NKAIN2: variants seen among roughly 807,000 people sequenced by gnomAD.
NKAIN2 encodes the protein sodium/potassium-transporting ATPase subunit beta-1-interacting protein 2.
A neutral mutation model predicts 32.6 loss-of-function variants in NKAIN2; 14 were observed. That is an observed-to-expected ratio of 0.43 (90% CI 0.28 to 0.67). NKAIN2 has a LOEUF of 0.67. Among genes scored for constraint, NKAIN2 ranks in the 30% least tolerant of loss-of-function variants. The pLI, the probability that NKAIN2 is intolerant of heterozygous loss-of-function variation, is 0.17. For synonymous variants in NKAIN2, 80 were observed against 87.2 expected (o/e 0.92, Z 0.46); for missense variants, 198 against 258.3 (o/e 0.77, Z 1.60).
At position 123,804,036 on chromosome 6, in the gene NKAIN2, G is replaced by A. The variant is rs891977236; in HGVS notation, c.-165G>A. 4.2e-6 allele frequency: 3 copies of A among 720,288 alleles called. No individual in the cohort carries two copies. Among genetic ancestry groups the A allele is most frequent in the Non-Finnish European group, 7.5e-6 (3 of 400,068 alleles). The allele number at this position is 720,288 out of a possible 1,614,324, so 44.6% of individuals were successfully genotyped here. ...GCCGCCGCCGCCGCCGCGCCAGCAG[G>A]TCCTAATGCCTGTCACTTCCCAGGA... On this transcript the variant is annotated 5_prime_UTR_variant, in exon 1 of 7. Transcript: ENST00000368417.
At chr6:124,270,441 C>A (rs1259056526) in intron 1 of NKAIN2, among the ~76,000 whole-genome samples, 2 of 151,876 alleles carry the variant, frequency 1.3e-5, no homozygotes, top group Non-Finnish European at 2.9e-5. Context: ...GTATTTTTAC[C>A]TAGTTGACAA....
chr6:124,808,435 G>T (rs7774804), intron 5 of NKAIN2, among the ~76,000 whole-genome samples: 4 of 152,050 alleles, frequency 2.6e-5, no homozygotes, highest in South Asian at 4.2e-4. Flanking sequence ...ATTCAACAAC[G>T]CTTCATGCTA....
At chr6:124,799,840 T>C (rs529254120) in intron 5 of NKAIN2, among the ~76,000 whole-genome samples, 1 of 152,316 alleles carries the variant, frequency 6.6e-6, no homozygotes, top group African/African-American at 2.4e-5. Context: ...TTGCTGACTC[T>C]GCTTCTTCCA....
chr6:124,256,219 C>T (rs1793922927), intron 1 of NKAIN2, among the ~76,000 whole-genome samples: 2 of 152,112 alleles, frequency 1.3e-5, no homozygotes, highest in Admixed American at 1.3e-4. Context: ...AAGGTCATCA[C>T]CCACAGATAC....
intron 4 of NKAIN2, among the ~76,000 whole-genome samples, chr6:124,714,343 A>T (rs1332442800): frequency 6.6e-6 from 1 of 152,248 alleles, no homozygotes; most frequent in Non-Finnish European, 1.5e-5. Flanking sequence ...ATATTAAATG[A>T]TTAATGAATC....
chr6:124,556,857 T>C (rs1232102364), intron 3 of NKAIN2, among the ~76,000 whole-genome samples: 1 of 152,162 alleles, frequency 6.6e-6, no homozygotes, highest in African/African-American at 2.4e-5. Context: ...CTAAATCAAA[T>C]GCTCCTTCAG....
chr6:124,493,033 G>T (rs1407560228), intron 3 of NKAIN2, among the ~76,000 whole-genome samples: 1 of 151,876 alleles, frequency 6.6e-6, no homozygotes, highest in Non-Finnish European at 1.5e-5. Context: ...AATAAGTTAT[G>T]GCACCTATTA....
intron 3 of NKAIN2, among the ~76,000 whole-genome samples, chr6:124,568,489 G>T (rs1027598726): frequency 2.6e-5 from 4 of 152,022 alleles, no homozygotes; most frequent in Non-Finnish European, 5.9e-5. Flanking sequence ...ATTTATAGAT[G>T]AAAAAACTGA....
intron 1 of NKAIN2, among the ~76,000 whole-genome samples, chr6:123,995,136 G>A (rs867205801): frequency 1.3e-5 from 2 of 152,162 alleles, no homozygotes; most frequent in Non-Finnish European, 2.9e-5. Context: ...GAACTCACAG[G>A]AGAGAAACAC....
At chr6:124,644,225 A>T (rs1031997675) in intron 3 of NKAIN2, among the ~76,000 whole-genome samples, 1 of 152,162 alleles carries the variant, frequency 6.6e-6, no homozygotes, top group Non-Finnish European at 1.5e-5. Context: ...GGAGAGATGA[A>T]TAAATAAATT....
intron 3 of NKAIN2, among the ~76,000 whole-genome samples, chr6:124,498,416 A>G (rs1778151792): frequency 6.6e-6 from 1 of 152,186 alleles, no homozygotes; most frequent in Admixed American, 6.5e-5. Flanking sequence ...AGTTAGCAAA[A>G]TTGAGGTGCA....
intron 1 of NKAIN2, among the ~76,000 whole-genome samples, chr6:123,957,474 A>G (rs1478039606): frequency 1.3e-5 from 2 of 152,142 alleles, no homozygotes; most frequent in Non-Finnish European, 2.9e-5. Flanking sequence ...GTATGTCTAG[A>G]TTTTTCAATA....
intron 4 of NKAIN2, among the ~76,000 whole-genome samples, chr6:124,679,472 A>G (rs552147384): frequency 3.9e-5 from 6 of 152,268 alleles, no homozygotes; most frequent in Admixed American, 2.0e-4. Flanking sequence ...TATTTTCCCA[A>G]TCATACTATA....
intron 1 of NKAIN2, among the ~76,000 whole-genome samples, chr6:124,178,542 C>A (rs966910461): frequency 1.3e-5 from 2 of 152,048 alleles, no homozygotes; most frequent in Non-Finnish European, 2.9e-5. Flanking sequence ...TGTGATCCAC[C>A]CACCTCGGCC....
At chr6:124,198,077 T>C (rs371451896) in intron 1 of NKAIN2, among the ~76,000 whole-genome samples, 60 of 152,140 alleles carry the variant, frequency 3.9e-4, no homozygotes, top group African/African-American at 1.4e-3. Flanking sequence ...TTGTTGTACA[T>C]CACGAGTTTA....
chr6:124,003,779 A>G (rs1054383667), intron 1 of NKAIN2, among the ~76,000 whole-genome samples: 1 of 152,168 alleles, frequency 6.6e-6, no homozygotes, highest in African/African-American at 2.4e-5. Flanking sequence ...TTCTCAGGGC[A>G]GCAAAACAGC....
At chr6:123,883,707 T>G (rs1176380924) in intron 1 of NKAIN2, among the ~76,000 whole-genome samples, 1 of 150,470 alleles carries the variant, frequency 6.6e-6, no homozygotes, top group Non-Finnish European at 1.5e-5. Context: ...GCCAGGCAAT[T>G]TAAAAAAGAG....
chr6:124,654,000 C>A (rs1231538848), intron 3 of NKAIN2, among the ~76,000 whole-genome samples: 1 of 151,982 alleles, frequency 6.6e-6, no homozygotes, highest in Non-Finnish European at 1.5e-5. Context: ...TTGTAATATT[C>A]ATACAACCAA....
chr6:124,789,181 G>A (rs1017159070), intron 4 of NKAIN2, among the ~76,000 whole-genome samples: 34 of 152,034 alleles, frequency 2.2e-4, no homozygotes, highest in Non-Finnish European at 4.3e-4. Context: ...ACTTTAATGA[G>A]AAGTTTAAAC....
Sources: allele counts gnomAD v4.1 joint callset (sites outside exome capture counted in the v4.1 genomes callset), GRCh38; gene constraint gnomAD v4.1.1; transcripts MANE v1.5; gene names NCBI Gene and HGNC (gene_info 2026-07-23, HGNC 2026-07-21).